Variants in PAWR observed in about 807,000 individuals in gnomAD.
The protein encoded by PAWR is pro-apoptotic WT1 regulator.
A neutral mutation model predicts 32.0 loss-of-function variants in PAWR; 23 were observed. The ratio of observed to expected loss-of-function variants is 0.72; its 90% CI spans 0.52 to 1.02. PAWR has a LOEUF of 1.02. PAWR is among the 50% of genes least tolerant of loss of function. The pLI, the probability that PAWR is intolerant of heterozygous loss-of-function variation, is 0.00. For missense variants in PAWR, 457 were observed against 437.7 expected (o/e 1.04, Z -0.39); for synonymous variants, 226 against 187.1 (o/e 1.21, Z -1.70).
intron 4 of PAWR, among the ~76,000 whole-genome samples, chr12:79,598,256 T>C (rs546653011): frequency 2.0e-5 from 3 of 152,322 alleles, no homozygotes; most frequent in Non-Finnish European, 2.9e-5. Context: ...AGCCAGTTAC[T>C]ACATTTGTTA....
intron 2 of PAWR, among the ~76,000 whole-genome samples, chr12:79,678,403 A>G (rs1390006789): frequency 6.6e-6 from 1 of 152,148 alleles, no homozygotes; most frequent in Non-Finnish European, 1.5e-5. Flanking sequence ...CCCATCATGA[A>G]TTTTCTGAAC....
chr12:79,651,710 T>C (rs999884335), intron 2 of PAWR, among the ~76,000 whole-genome samples: 2 of 22,574 alleles, frequency 8.9e-5, no homozygotes, highest in African/African-American at 1.1e-4. Context: ...TGGCGGGGGC[T>C]GGGGGGGTGG....
At position 79,605,528 on chromosome 12, in the gene PAWR, T is replaced by TA. The variant is rs1354745113; in HGVS notation, c.683+8046_683+8047insT. On this transcript the variant is annotated intron_variant, in intron 4 of 6. Coordinates refer to ENST00000328827, the MANE Select transcript of PAWR (RefSeq NM_002583.4). ...TATATACAGATACATTCTTTTTTTTTTAAAAAAAAAGCCTTCAACTAAGCA... is the reference window on the plus strand; with the variant it reads ...TATATACAGATACATTCTTTTTTTTTATAAAAAAAAAGCCTTCAACTAAGCA... Among the ~76,000 whole-genome samples, 313 of 151,286 alleles carry TA rather than the reference T, an allele frequency of 2.1e-3. 1 individual carries two copies. Among genetic ancestry groups the TA allele is most frequent in the East Asian group, 7.4e-3 (38 of 5,162 alleles).
At chr12:79,685,717 T>C (rs1878651280) in intron 2 of PAWR, among the ~76,000 whole-genome samples, 1 of 152,184 alleles carries the variant, frequency 6.6e-6, no homozygotes, top group South Asian at 2.1e-4. Context: ...GTCCACAAAT[T>C]TGACCTGAAA....
In PAWR at chr12:79,594,400, G is replaced by T; in HGVS notation, c.865C>A (p.Leu289Ile). 1 of 1,562,368 alleles carries T rather than the reference G, an allele frequency of 6.4e-7. No homozygotes were observed. ...TCTTTATCTTGCATCAGTCTCACAAGTCTTAGGTTTTCTTGTCTTTCTCTT... is the reference window on the plus strand; with the variant it reads ...TCTTTATCTTGCATCAGTCTCACAATTCTTAGGTTTTCTTGTCTTTCTCTT... ...VVRERQENLR[L>I]VRLMQDKEEM... The change falls in exon 6 of 7, where the codon CTT (leucine) becomes ATT (isoleucine). Residue 289 changes from leucine to isoleucine, a missense_variant. By Grantham distance (5) the Leu-to-Ile change is conservative (BLOSUM62 2). Coordinates refer to ENST00000328827, the MANE Select transcript of PAWR (RefSeq NM_002583.4).
At chr12:79,602,007 C>T (rs572394709) in intron 4 of PAWR, among the ~76,000 whole-genome samples, 32 of 152,274 alleles carry the variant, frequency 2.1e-4, no homozygotes, top group African/African-American at 6.7e-4. Flanking sequence ...TGATTTTCTC[C>T]ACAAATTCCC....
intron 2 of PAWR, among the ~76,000 whole-genome samples, chr12:79,657,771 G>A (rs980548813): frequency 1.2e-4 from 18 of 151,716 alleles, no homozygotes; most frequent in Non-Finnish European, 2.1e-4. Flanking sequence ...CCCAGCCTGG[G>A]CCACAGAGCG....
chr12:79,625,299 G>C (rs1470175496), intron 2 of PAWR, among the ~76,000 whole-genome samples: 3 of 151,990 alleles, frequency 2.0e-5, no homozygotes, highest in Non-Finnish European at 4.4e-5. Context: ...TGCATAATTG[G>C]GGTCTCAGAA....
intron 3 of PAWR, 40 bp downstream of exon 3, chr12:79,621,036 T>C: frequency 6.6e-7 from 1 of 1,507,824 alleles, no homozygotes; most frequent in Non-Finnish European, 9.0e-7. Context: ...AAATTGCCAT[T>C]AAAATAGATA....
chr12:79,665,079 A>G (rs1877540354), intron 2 of PAWR, among the ~76,000 whole-genome samples: 2 of 152,312 alleles, frequency 1.3e-5, no homozygotes, highest in South Asian at 4.1e-4. Context: ...ACAGATTATA[A>G]CAATGAAGAT....
intron 2 of PAWR, among the ~76,000 whole-genome samples, chr12:79,671,914 T>C (rs1877921085): frequency 6.6e-6 from 1 of 152,054 alleles, no homozygotes; most frequent in South Asian, 2.1e-4. Flanking sequence ...AAAATAAAAA[T>C]ATTAAAAAGC....
chr12:79,639,881 T>TTCCATTCCATTCCATTCC lies in PAWR; in HGVS notation c.517-18675_517-18674insGGAATGGAATGGAATGGA, dbSNP rs1876215099. Among the ~76,000 whole-genome samples the TTCCATTCCATTCCATTCC allele has an allele frequency of 1.9e-4, 21 of 112,538 alleles. 1 individual carries two copies. Among genetic ancestry groups the TTCCATTCCATTCCATTCC allele is most frequent in the African/African-American group, 8.6e-4 (17 of 19,788 alleles). 73.8% of individuals were successfully genotyped at this position (112,538 alleles called of 152,430 possible). A position where few individuals can be genotyped will look rare whatever the true frequency, so the allele number is the denominator to read the frequency against. Reference sequence around the variant, plus strand: ...CTATTCCTATTCCTATTCCTATTCCTATTCCATTCCATTCCATTCCATTCC... The same window carrying TTCCATTCCATTCCATTCC: ...CTATTCCTATTCCTATTCCTATTCCTTCCATTCCATTCCATTCCATTCCATTCCATTCCATTCCATTCC... On this transcript the variant is annotated intron_variant, in intron 2 of 6. Coordinates refer to ENST00000328827, the MANE Select transcript of PAWR (RefSeq NM_002583.4).
chr12:79,650,642 A>T (rs1319847703), intron 2 of PAWR, among the ~76,000 whole-genome samples: 1 of 151,782 alleles, frequency 6.6e-6, no homozygotes, highest in African/African-American at 2.4e-5. Flanking sequence ...GGTCACAGAC[A>T]ATATATGAAC....
At chr12:79,646,451 C>T (rs1876579561) in intron 2 of PAWR, among the ~76,000 whole-genome samples, 1 of 152,168 alleles carries the variant, frequency 6.6e-6, no homozygotes. Context: ...AGTCTACATA[C>T]AAAATACTGG....
intron 4 of PAWR, among the ~76,000 whole-genome samples, chr12:79,599,994 C>G (rs948190411): frequency 2.6e-5 from 4 of 152,162 alleles, no homozygotes; most frequent in African/African-American, 9.7e-5. Flanking sequence ...TCATTTTGTA[C>G]ATGTCATGCC....
At position 79,647,216 on chromosome 12, in the gene PAWR, TG is replaced by T. The variant is rs577829163; in HGVS notation, c.517-26010del. 1.6e-3 allele frequency among the ~76,000 whole-genome samples: 249 copies of T among 151,476 alleles called. 2 individuals carry two copies. The highest frequency in any genetic ancestry group is 2.1e-3 in the Non-Finnish European group (140 of 67,858). On this transcript the variant is annotated intron_variant, in intron 2 of 6. Transcript: ENST00000328827. Reference sequence around the variant, plus strand: ...GAAAAGGAAAGAAATGGCAGTAGTATGTGAATGTCTAAACTTTCAGGCATAC... The same window carrying T: ...GAAAAGGAAAGAAATGGCAGTAGTATTGAATGTCTAAACTTTCAGGCATAC...
chr12:79,611,941 T>A (rs1874458527), intron 4 of PAWR, among the ~76,000 whole-genome samples: 1 of 152,134 alleles, frequency 6.6e-6, no homozygotes, highest in Non-Finnish European at 1.5e-5. Context: ...AACACAAATT[T>A]GAAAAGTGTC....
intron 2 of PAWR, among the ~76,000 whole-genome samples, chr12:79,672,118 C>T (rs1877932724): frequency 6.6e-6 from 1 of 152,138 alleles, no homozygotes; most frequent in African/African-American, 2.4e-5. Context: ...TCCATGGCCC[C>T]TACCTCCCAC....
intron 1 of PAWR, 42 bp from the exon 2 acceptor site, chr12:79,690,433 G>C (rs2136908804): frequency 8.1e-7 from 1 of 1,238,624 alleles, no homozygotes; most frequent in South Asian, 2.0e-5. Flanking sequence ...GGAAGCGTAA[G>C]ATCCCCGCCC....
Sources: gnomAD v4.1 joint callset for allele counts (sites outside exome capture counted in the v4.1 genomes callset) on GRCh38, gnomAD v4.1.1 for gene constraint, MANE v1.5 for transcripts, NCBI Gene and HGNC (gene_info 2026-07-23, HGNC 2026-07-21) for gene names.